The following CFAP92 variants were observed in gnomAD, a reference collection of about 807,000 sequenced individuals.
CFAP92 encodes the protein uncharacterized protein CFAP92.
Under a neutral mutation model 106.3 loss-of-function variants are expected in CFAP92, and 86 were observed. That is an observed-to-expected ratio of 0.81 (90% CI 0.68 to 0.97). The LOEUF (loss-of-function observed/expected upper bound fraction) is 0.97, where lower values mean the gene tolerates loss of function less well. CFAP92 is among the 50% of genes least tolerant of loss of function. CFAP92 has a pLI of 0.00. For synonymous variants in CFAP92, 477 were observed against 506.4 expected, an observed-to-expected ratio of 0.94 and a Z score of 0.78; for missense variants, 1,204 against 1,283.8, an observed-to-expected ratio of 0.94 and a Z score of 0.95.
chr3:129,026,014 C>A, the CFAP92 span, among the ~76,000 whole-genome samples: 2 of 152,242 alleles, frequency 1.3e-5, no homozygotes, highest in Admixed American at 6.5e-5. Context: ...TCCCGCGGTG[C>A]GGCTCCAGCA....
chr3:129,008,435 C>T, the CFAP92 span, among the ~76,000 whole-genome samples: 8 of 152,148 alleles, frequency 5.3e-5, no homozygotes, highest in Non-Finnish European at 1.0e-4. Context: ...CTATTTTATC[C>T]AGCATTTCAA....
chr3:128,930,645 G>A (rs555758505), intron 12 of CFAP92, among the ~76,000 whole-genome samples: 267 of 152,108 alleles, frequency 1.8e-3, no homozygotes, highest in South Asian at 3.3e-3. Context: ...CAGCTACTCA[G>A]GAGGCTGAGG....
At chr3:128,943,932 T>C (rs554032875) in intron 10 of CFAP92, among the ~76,000 whole-genome samples, 1 of 148,948 alleles carries the variant, frequency 6.7e-6, no homozygotes, top group Non-Finnish European at 1.5e-5. Context: ...TTTTTTTTTT[T>C]TTTTTTTTTT....
At position 128,935,314 on chromosome 3, in the gene CFAP92, G is replaced by A; in HGVS notation, c.2264C>T (p.Pro755Leu). 4 of 1,502,516 alleles carry A rather than the reference G, an allele frequency of 2.7e-6. No homozygotes were observed. The highest frequency in any genetic ancestry group is 3.6e-6 in the Non-Finnish European group (4 of 1,125,140). The allele number at this position is 1,502,516 out of a possible 1,614,324, so 93.1% of individuals were successfully genotyped here. Reference sequence around the variant, plus strand: ...CTTGTATTTCCTGTGTTCTGACCTGGGAATCCTGCAAGAGACAGAAGGCCA... The same window carrying A: ...CTTGTATTTCCTGTGTTCTGACCTGAGAATCCTGCAAGAGACAGAAGGCCA... ...QLWENHQSWI[P>L]RSEHRKYKVL... The change falls in exon 11 of 16, where the codon CCC becomes CTC. Residue 755 changes from proline (P) to leucine (L), a missense_variant. By Grantham distance (98) the Pro-to-Leu change is moderately conservative. Coordinates refer to ENST00000645291, the MANE Select transcript of CFAP92 (RefSeq NM_001394090.1).
At chr3:128,944,962 G>T in intron 10 of CFAP92, 109 bp downstream of exon 10, 1 of 943,086 alleles carries the variant, frequency 1.1e-6, no homozygotes, top group Non-Finnish European at 1.5e-6. Context: ...CCCGAAAGGA[G>T]ACTCACAGAC....
At chr3:128,967,702 C>CA (rs545688313) in intron 8 of CFAP92, 40,869 of 112,386 alleles carry the variant, frequency 0.36, 6,589 homozygotes, top group African/African-American at 0.46. Flanking sequence ...AACTCCGTCT[C>CA]AAAAAAAAAA....
Position 128,975,064 on chromosome 3 carries a change from G to C in CFAP92, c.1021+715C>G, listed in dbSNP as rs144197047. On this transcript the variant is annotated intron_variant, in intron 7 of 15. Coordinates refer to ENST00000645291, the MANE Select transcript of CFAP92 (RefSeq NM_001394090.1). The stretch of plus-strand genomic sequence containing the variant: ...GAACCCGGGAGACAGAGCTTGCAGT[G>C]AGCCGAGACTGCACAACTGCACTCC... 8.7e-3 allele frequency among the ~76,000 whole-genome samples: 1,331 copies of C among 152,226 alleles called. 22 individuals carry two copies. The highest frequency in any genetic ancestry group is 0.03 in the African/African-American group (1,258 of 41,538).
At chr3:129,003,961 C>A (rs1944934765), upstream of CFAP92, 1 of 1,444,980 alleles carries the variant, frequency 6.9e-7, no homozygotes, top group Non-Finnish European at 9.1e-7. Flanking sequence ...CGGAGGAGGC[C>A]CGGCAGGTGG....
chr3:128,946,013 C>A (rs1940180835), intron 9 of CFAP92, 38 bp from the exon 10 acceptor site: 1 of 1,374,836 alleles, frequency 7.3e-7, no homozygotes, highest in Non-Finnish European at 9.5e-7. Context: ...CACCCAGCCA[C>A]AAGGACAGTC....
the CFAP92 span, among the ~76,000 whole-genome samples, chr3:129,020,277 A>T: frequency 5.9e-3 from 905 of 152,314 alleles, 11 homozygotes; most frequent in African/African-American, 0.019. Context: ...ACTCTGTGCC[A>T]GGCACATACA....
chr3:128,946,019 C>G (rs923708984), intron 9 of CFAP92, 44 bp from the exon 10 acceptor site: 156 of 1,353,710 alleles, frequency 1.2e-4, no homozygotes, highest in Non-Finnish European at 1.5e-4. Flanking sequence ...GCCACAAGGA[C>G]AGTCACTCAG....
intron 12 of CFAP92, among the ~76,000 whole-genome samples, chr3:128,919,555 T>C (rs1032546782): frequency 6.6e-6 from 1 of 152,192 alleles, no homozygotes; most frequent in Non-Finnish European, 1.5e-5. Context: ...AATAGACATC[T>C]ATCTAACATC....
At chr3:128,937,508 G>A (rs1408143922) in intron 10 of CFAP92, among the ~76,000 whole-genome samples, 2 of 151,832 alleles carry the variant, frequency 1.3e-5, no homozygotes, top group Non-Finnish European at 2.9e-5. Context: ...GCTGAGGCAG[G>A]AGAATGGCGT....
chr3:128,988,812 A>C lies in CFAP92; in HGVS notation c.369T>G (p.Leu123=). 4 of 1,614,048 alleles carry C rather than the reference A, an allele frequency of 2.5e-6. No individual in the cohort carries two copies. The highest frequency in any genetic ancestry group is 3.4e-6 in the Non-Finnish European group (4 of 1,179,892). The part of the protein sequence containing the change: ...MRRFYHIEYF[L]LPDDEEPKKV... ...TTTTAGGTTCTTCATCGTCCGGCAG[A>C]AGGAAATACTCAATGTGGTAAAAAC... Residue 123 remains leucine, a synonymous_variant, in exon 3 of 16, where the codon CTT becomes CTG. Coordinates refer to ENST00000645291, the MANE Select transcript of CFAP92 (RefSeq NM_001394090.1).
upstream of CFAP92, among the ~76,000 whole-genome samples, chr3:129,003,611 G>A (rs1014396236): frequency 6.6e-6 from 1 of 152,208 alleles, no homozygotes; most frequent in Admixed American, 6.5e-5. Flanking sequence ...TGGGGATGTG[G>A]CGAGGGTTAA....
upstream of CFAP92, among the ~76,000 whole-genome samples, chr3:129,004,747 T>C (rs1170479298): frequency 6.6e-6 from 1 of 152,158 alleles, no homozygotes; most frequent in East Asian, 1.9e-4. Context: ...GCCTCACAGC[T>C]GCCCTGTGAG....
chr3:129,013,291 A>C, the CFAP92 span, among the ~76,000 whole-genome samples: 2 of 152,158 alleles, frequency 1.3e-5, no homozygotes, highest in African/African-American at 4.8e-5. Context: ...TTGGATGGAG[A>C]GGGTTCTATA....
intron 2 of CFAP92, among the ~76,000 whole-genome samples, chr3:128,990,665 G>A (rs1944156046): frequency 6.6e-6 from 1 of 152,074 alleles, no homozygotes. Context: ...GAAAGCCAAG[G>A]CGGGTGGATC....
At chr3:128,929,101 A>C (rs949719956) in intron 12 of CFAP92, among the ~76,000 whole-genome samples, 6 of 152,230 alleles carry the variant, frequency 3.9e-5, no homozygotes, top group Admixed American at 2.0e-4. Flanking sequence ...TCAATTTGAA[A>C]AAAGAGATTA....
Sources: gnomAD v4.1 joint callset for allele counts (sites outside exome capture counted in the v4.1 genomes callset) on GRCh38, gnomAD v4.1.1 for gene constraint, MANE v1.5 for transcripts, NCBI Gene and HGNC (gene_info 2026-07-23, HGNC 2026-07-21) for gene names.